Variants in ADAMTS19 observed in about 807,000 individuals in gnomAD.
ADAMTS19 encodes A disintegrin and metalloproteinase with thrombospondin motifs 19.
In ADAMTS19, 93 loss-of-function variants were observed where a neutral mutation model predicts 153.3. That is an observed-to-expected ratio of 0.61 (90% CI 0.51 to 0.72). The LOEUF (loss-of-function observed/expected upper bound fraction) is 0.72. ADAMTS19 is among the 30% of genes least tolerant of loss of function. ADAMTS19 has a pLI of 0.00. For synonymous variants in ADAMTS19, 600 were observed against 556.6 expected (o/e 1.08, Z -1.10); for missense variants, 1,482 against 1,552.1 (o/e 0.95, Z 0.76).
chr5:129,668,507 T>C (rs1754152604), intron 16 of ADAMTS19, among the ~76,000 whole-genome samples: 2 of 152,162 alleles, frequency 1.3e-5, no homozygotes, highest in Non-Finnish European at 2.9e-5. Flanking sequence ...TGTCCTCACA[T>C]GGTGGAAGGA....
At chr5:129,571,381 T>C (rs1753901832) in intron 7 of ADAMTS19, among the ~76,000 whole-genome samples, 1 of 151,598 alleles carries the variant, frequency 6.6e-6, no homozygotes, top group Non-Finnish European at 1.5e-5. Flanking sequence ...CATTAGGACA[T>C]GATATATATG....
chr5:129,590,914 T>C (rs1750102482), intron 7 of ADAMTS19, among the ~76,000 whole-genome samples: 1 of 152,262 alleles, frequency 6.6e-6, no homozygotes. Flanking sequence ...TGTTAATCTT[T>C]GTTTCAGACA....
intron 13 of ADAMTS19, 103 bp downstream of exon 13, chr5:129,649,073 T>C: frequency 1.7e-6 from 2 of 1,162,760 alleles, no homozygotes; most frequent in Non-Finnish European, 2.4e-6. Context: ...TTCAAAATAT[T>C]TCTGAACTTT....
intron 2 of ADAMTS19, among the ~76,000 whole-genome samples, chr5:129,468,896 C>T (rs894436731): frequency 6.6e-6 from 1 of 152,016 alleles, no homozygotes; most frequent in African/African-American, 2.4e-5. Context: ...CCTGCCTCAG[C>T]CTCCGAAGTA....
chr5:129,641,929 C>G lies in ADAMTS19; in HGVS notation c.1841C>G (p.Pro614Arg). The change falls in exon 11 of 23, where the codon CCA becomes CGA. Residue 614 changes from proline (P) to arginine (R), a missense_variant. Physicochemically the swap from Pro to Arg is moderately radical, Grantham distance 103. Coordinates refer to ENST00000274487, the MANE Select transcript of ADAMTS19 (RefSeq NM_133638.6). ...EKECRTKLDP[P>R]MDGTDCDLGK... is the part of the protein sequence containing the mutation. ...GAATGCAGAACCAAGCTAGACCCACCAATGGATGGAACTGACTGTGACCTT... is the reference window on the plus strand; with the variant it reads ...GAATGCAGAACCAAGCTAGACCCACGAATGGATGGAACTGACTGTGACCTT... The G allele has an allele frequency of 1.2e-6, 2 of 1,601,566 alleles. No homozygotes were observed. The highest frequency in any genetic ancestry group is 1.7e-6 in the Non-Finnish European group (2 of 1,172,934).
chr5:129,714,504 TAATA>T (rs1355288307), intron 21 of ADAMTS19, among the ~76,000 whole-genome samples: 1 of 151,584 alleles, frequency 6.6e-6, no homozygotes, highest in Non-Finnish European at 1.5e-5. Context: ...ATATAGAGCG[TAATA>T]AATAAATCTA....
At chr5:129,645,587 ATG>A (rs1753024653) in intron 11 of ADAMTS19, among the ~76,000 whole-genome samples, 1 of 152,096 alleles carries the variant, frequency 6.6e-6, no homozygotes, top group African/African-American at 2.4e-5. Context: ...CATCAGCCAG[ATG>A]TGTCATTGTT....
intron 20 of ADAMTS19, among the ~76,000 whole-genome samples, chr5:129,702,929 CAAAA>C (rs376208133): frequency 5.6e-4 from 25 of 44,298 alleles, no homozygotes; most frequent in African/African-American, 2.1e-3. Flanking sequence ...TTTGACTTGC[CAAAA>C]AAAAAAAAAT....
intron 7 of ADAMTS19, among the ~76,000 whole-genome samples, chr5:129,568,794 C>A (rs545971927): frequency 6.6e-6 from 1 of 152,024 alleles, no homozygotes; most frequent in East Asian, 1.9e-4. Flanking sequence ...TGTACTCCAG[C>A]CTGGGTGACA....
chr5:129,700,635 C>T (rs375854709), intron 19 of ADAMTS19, among the ~76,000 whole-genome samples: 25 of 151,948 alleles, frequency 1.6e-4, no homozygotes, highest in African/African-American at 3.6e-4. Context: ...AATCTGGCCA[C>T]GATATTTGTG....
At chr5:129,547,413 G>A (rs775606492) in intron 6 of ADAMTS19, among the ~76,000 whole-genome samples, 4 of 150,702 alleles carry the variant, frequency 2.7e-5, no homozygotes, top group Non-Finnish European at 5.9e-5. Flanking sequence ...GTTTTGTGTT[G>A]TTTTAAGTCA....
chr5:129,556,666 G>C (rs922907759), intron 7 of ADAMTS19, among the ~76,000 whole-genome samples: 10 of 152,138 alleles, frequency 6.6e-5, no homozygotes, highest in African/African-American at 2.2e-4. Flanking sequence ...GTGGGAGAGT[G>C]AGGCAGAAAA....
chr5:129,518,329 T>C (rs1751682302), intron 3 of ADAMTS19, among the ~76,000 whole-genome samples: 1 of 152,162 alleles, frequency 6.6e-6, no homozygotes, highest in Non-Finnish European at 1.5e-5. Flanking sequence ...TACTCATTAA[T>C]GTCCTTTTCT....
At chr5:129,538,275 G>T (rs1303897051) in intron 6 of ADAMTS19, among the ~76,000 whole-genome samples, 3 of 152,060 alleles carry the variant, frequency 2.0e-5, no homozygotes, top group African/African-American at 7.2e-5. Flanking sequence ...ACATTTTAAA[G>T]TATATTTCAT....
intron 3 of ADAMTS19, among the ~76,000 whole-genome samples, chr5:129,509,901 A>T (rs920195397): frequency 1.3e-5 from 2 of 151,834 alleles, no homozygotes; most frequent in African/African-American, 4.8e-5. Context: ...TTAGGCAGAG[A>T]TCTGTGGTGT....
At chr5:129,487,631 T>G (rs1473509226) in intron 2 of ADAMTS19, among the ~76,000 whole-genome samples, 1 of 152,102 alleles carries the variant, frequency 6.6e-6, no homozygotes, top group African/African-American at 2.4e-5. Flanking sequence ...GCAACTGGAT[T>G]TAGAGGTTTT....
intron 6 of ADAMTS19, among the ~76,000 whole-genome samples, chr5:129,535,076 G>T (rs1486423294): frequency 6.6e-6 from 1 of 152,120 alleles, no homozygotes. Context: ...CAGTCAGGCA[G>T]GAGAAGGAAA....
intron 2 of ADAMTS19, among the ~76,000 whole-genome samples, chr5:129,492,465 T>C (rs973403992): frequency 6.6e-6 from 1 of 151,904 alleles, no homozygotes; most frequent in African/African-American, 2.4e-5. Context: ...AAAACCATTT[T>C]GACAGAGAGT....
chr5:129,525,417 T>C (rs1029268932), intron 3 of ADAMTS19, among the ~76,000 whole-genome samples: 1 of 152,090 alleles, frequency 6.6e-6, no homozygotes, highest in Non-Finnish European at 1.5e-5. Context: ...GGTTAAACAT[T>C]TTCCCATGCT....
Sources: gnomAD v4.1 joint callset for allele counts (sites outside exome capture counted in the v4.1 genomes callset) on GRCh38, gnomAD v4.1.1 for gene constraint, MANE v1.5 for transcripts, NCBI Gene and HGNC (gene_info 2026-07-23, HGNC 2026-07-21) for gene names.